Variants in SWAP70 observed in about 807,000 individuals in gnomAD.
SWAP70 encodes the protein switching B cell complex subunit SWAP70.
In SWAP70, 34 loss-of-function variants were observed where a neutral mutation model predicts 80.2. That is an observed-to-expected ratio of 0.42 (90% CI 0.32 to 0.56). The LOEUF is 0.56. Among genes scored for constraint, SWAP70 ranks in the 20% least tolerant of loss-of-function variants. The pLI is 0.09. For synonymous variants in SWAP70, 239 were observed against 238.5 expected, an observed-to-expected ratio of 1.00 and a Z score of -0.02; for missense variants, 578 against 690.7, an observed-to-expected ratio of 0.84 and a Z score of 1.83.
chr11:9,732,657 G>C lies in SWAP70; in HGVS notation c.1027G>C (p.Glu343Gln). 1.3e-6 allele frequency: 2 copies of C among 1,570,084 alleles called. No homozygotes were observed. Among genetic ancestry groups the C allele is most frequent in the Non-Finnish European group, 1.7e-6 (2 of 1,156,338 alleles). ...AGAGGAACTGGAGCGACAAATGAAG[G>C]AACTCCAGGCCGCCAACGAAAGCAA... is the stretch of plus-strand genomic sequence containing the variant. ...EQEELERQMKELQAANESKQQ... is the reference protein window; with the variant it reads ...EQEELERQMKQLQAANESKQQ... Residue 343 changes from glutamate to glutamine, a missense_variant, in exon 7 of 12, where the codon GAA becomes CAA. Transcript: ENST00000318950.
intron 4 of SWAP70, among the ~76,000 whole-genome samples, chr11:9,726,163 C>G (rs1851223136): frequency 1.3e-5 from 2 of 151,922 alleles, no homozygotes; most frequent in African/African-American, 4.8e-5. Context: ...AAAAATACCT[C>G]TACTTGTGGA....
intron 7 of SWAP70, among the ~76,000 whole-genome samples, chr11:9,733,726 C>T (rs570341555): frequency 3.0e-4 from 46 of 152,304 alleles, no homozygotes; most frequent in African/African-American, 1.0e-3. Flanking sequence ...AAAGGTTACG[C>T]TGAGCACCTG....
At chr11:9,704,551 C>G (rs553621543) in intron 2 of SWAP70, among the ~76,000 whole-genome samples, 1 of 151,964 alleles carries the variant, frequency 6.6e-6, no homozygotes, top group Non-Finnish European at 1.5e-5. Context: ...CGAGCCACCA[C>G]GCCTGGGTAA....
chr11:9,699,664 G>T (rs367769109), intron 2 of SWAP70, among the ~76,000 whole-genome samples: 1 of 152,096 alleles, frequency 6.6e-6, no homozygotes, highest in East Asian at 1.9e-4. Context: ...AGACCATCCT[G>T]GGTGACATAG....
chr11:9,696,800 T>G (rs1214081330), intron 2 of SWAP70, among the ~76,000 whole-genome samples: 1 of 152,190 alleles, frequency 6.6e-6, no homozygotes, highest in Non-Finnish European at 1.5e-5. Flanking sequence ...CTTTGTATAC[T>G]TCTAAGTTTT....
At chr11:9,665,045 T>C (rs947884616) in intron 1 of SWAP70, among the ~76,000 whole-genome samples, 8 of 151,966 alleles carry the variant, frequency 5.3e-5, no homozygotes, top group African/African-American at 1.9e-4. Context: ...TGCTTGTAAA[T>C]TGAGTAACCC....
At chr11:9,676,811 G>A (rs186623908) in intron 1 of SWAP70, among the ~76,000 whole-genome samples, 71 of 151,930 alleles carry the variant, frequency 4.7e-4, no homozygotes, top group Non-Finnish European at 8.7e-4. Context: ...CACCACGCCC[G>A]GCTAATTTTT....
At chr11:9,675,354 AG>A (rs1565111679) in intron 1 of SWAP70, among the ~76,000 whole-genome samples, 294 of 20,016 alleles carry the variant, frequency 0.015, 39 homozygotes, top group African/African-American at 0.063. Context: ...AGCGAGAGAG[AG>A]AGAGAGAGAG....
chr11:9,711,322 A>G (rs1157069560), intron 2 of SWAP70, among the ~76,000 whole-genome samples: 1 of 152,060 alleles, frequency 6.6e-6, no homozygotes, highest in African/African-American at 2.4e-5. Context: ...AAATCTCCTA[A>G]TGATCAGTCT....
intron 1 of SWAP70, among the ~76,000 whole-genome samples, chr11:9,675,418 AGAGGAGG>A (rs1850484672): frequency 7.5e-6 from 1 of 133,016 alleles, no homozygotes; most frequent in African/African-American, 3.0e-5. Flanking sequence ...AGAGAGAGAG[AGAGGAGG>A]GAGGAGGGAG....
In SWAP70 at chr11:9,717,121, T is replaced by C. The variant is rs544298428; in HGVS notation, c.414+3482T>C. On this transcript the variant is annotated intron_variant, in intron 3 of 11. Transcript: ENST00000318950. ...GATCAAGGAGAAGGCAGTTTCGCTG[T>C]AGTGGTGGGAACAGTTTCTTAGTGC... 2.2e-4 allele frequency among the ~76,000 whole-genome samples: 34 copies of C among 152,318 alleles called. 1 individual carries two copies. The South Asian group carries it at 6.2e-3, about 28-fold the overall frequency.
intron 1 of SWAP70, among the ~76,000 whole-genome samples, chr11:9,679,959 G>A (rs181916798): frequency 3.4e-4 from 52 of 152,322 alleles, no homozygotes; most frequent in Non-Finnish European, 3.4e-4. Flanking sequence ...ATGAGCCACT[G>A]CACGCGGCCT....
intron 9 of SWAP70, among the ~76,000 whole-genome samples, chr11:9,743,173 G>C (rs1032418588): frequency 6.7e-6 from 1 of 148,600 alleles, no homozygotes; most frequent in Non-Finnish European, 1.5e-5. Flanking sequence ...TCTTGCGATA[G>C]TTTACTGAGA....
chr11:9,752,426 T>C lies in SWAP70; in HGVS notation c.*2456T>C, dbSNP rs1851603312. On this transcript the variant is annotated 3_prime_UTR_variant, in exon 12 of 12. Coordinates refer to ENST00000318950, the MANE Select transcript of SWAP70 (RefSeq NM_015055.4). ...TGTGGTTGTGCAAAAGCTTTCTGTT[T>C]AATGCATAGTGTTACCGATTTACAT... is the stretch of plus-strand genomic sequence containing the variant. 6.6e-6 allele frequency: 1 copy of C among 152,270 alleles called. No homozygotes were observed. The highest frequency in any genetic ancestry group is 1.5e-5 in the Non-Finnish European group (1 of 68,054). 9.4% of individuals were successfully genotyped at this position (152,270 alleles called of 1,614,324 possible).
chr11:9,670,460 A>T (rs540534778), intron 1 of SWAP70, among the ~76,000 whole-genome samples: 5 of 151,932 alleles, frequency 3.3e-5, no homozygotes, highest in African/African-American at 1.2e-4. Context: ...TTATTTATTT[A>T]TTTTTTTGAG....
At chr11:9,728,769 A>G (rs1851257908) in intron 5 of SWAP70, among the ~76,000 whole-genome samples, 1 of 152,190 alleles carries the variant, frequency 6.6e-6, no homozygotes, top group Non-Finnish European at 1.5e-5. Flanking sequence ...CTGAAATCTC[A>G]CACATAAACT....
At chr11:9,716,920 C>T (rs557916628) in intron 3 of SWAP70, among the ~76,000 whole-genome samples, 1 of 152,278 alleles carries the variant, frequency 6.6e-6, no homozygotes, top group East Asian at 1.9e-4. Flanking sequence ...GCAAAGGAAG[C>T]TGAATTGAAC....
chr11:9,738,166 T>A (rs93138), intron 7 of SWAP70, 47 bp from the exon 8 acceptor site: 3 of 1,392,786 alleles, frequency 2.2e-6, no homozygotes, highest in Non-Finnish European at 2.0e-6. Context: ...TTAATGTACT[T>A]CTACTCTAAC....
chr11:9,748,431 C>G (rs1033750650), intron 10 of SWAP70, among the ~76,000 whole-genome samples: 2 of 152,204 alleles, frequency 1.3e-5, no homozygotes, highest in African/African-American at 4.8e-5. Flanking sequence ...TTGCTTCTTG[C>G]CCCTTAACCC....
Sources: allele counts gnomAD v4.1 joint callset (sites outside exome capture counted in the v4.1 genomes callset), GRCh38; gene constraint gnomAD v4.1.1; transcripts MANE v1.5; gene names NCBI Gene and HGNC (gene_info 2026-07-23, HGNC 2026-07-21).